TFEC: variants seen among roughly 807,000 people sequenced by gnomAD.
TFEC encodes class E basic helix-loop-helix protein 34.
TFEC carries 31 observed loss-of-function variants against 41.6 expected under a neutral mutation model. The ratio of observed to expected loss-of-function variants is 0.74; its 90% CI spans 0.56 to 1.01. TFEC has a LOEUF of 1.01. Among genes scored for constraint, TFEC ranks in the 50% least tolerant of loss-of-function variants. TFEC has a pLI of 0.00. For missense variants in TFEC, 402 were observed against 404.1 expected (o/e 0.99, Z 0.04); for synonymous variants, 143 against 140.6 (o/e 1.02, Z -0.12).
At chr7:116,110,668 T>A in intron 3 of TFEC, 2 of 1,232,330 alleles carry the variant, frequency 1.6e-6, no homozygotes, top group Non-Finnish European at 2.1e-6. Context: ...TTACTATACT[T>A]ACTTAGAAAT....
At chr7:116,116,078 C>T (rs1797980924) in intron 1 of TFEC, among the ~76,000 whole-genome samples, 1 of 151,890 alleles carries the variant, frequency 6.6e-6, no homozygotes, top group South Asian at 2.1e-4. Context: ...ACATATTTTA[C>T]ATGGTTGGTG....
At chr7:116,082,451 T>C (rs1483857382) in intron 3 of TFEC, among the ~76,000 whole-genome samples, 2 of 152,056 alleles carry the variant, frequency 1.3e-5, no homozygotes, top group African/African-American at 4.8e-5. Flanking sequence ...TTTGCCAATA[T>C]TGTGTATTAA....
At chr7:115,958,966 T>C (rs1792384553) in intron 3 of TFEC, among the ~76,000 whole-genome samples, 1 of 151,830 alleles carries the variant, frequency 6.6e-6, no homozygotes, top group Non-Finnish European at 1.5e-5. Context: ...AATGTACAGA[T>C]TGCATTCACC....
In TFEC at chr7:115,968,069, A is replaced by G. The variant is rs1792953783; in HGVS notation, c.267+6101T>C. On this transcript the variant is annotated intron_variant, in intron 3 of 7. Coordinates refer to ENST00000265440, the MANE Select transcript of TFEC (RefSeq NM_012252.4). ...AGCAGAATATATTTTATGCGTTTCAAAGCTCAATGTTCACATACCTTATTT... is the reference window on the plus strand; with the variant it reads ...AGCAGAATATATTTTATGCGTTTCAGAGCTCAATGTTCACATACCTTATTT... 3 of 1,069,614 alleles carry G rather than the reference A, an allele frequency of 2.8e-6. No homozygotes were observed. The East Asian group carries it at 8.1e-5, about 29-fold the overall frequency. The allele number at this position is 1,069,614 out of a possible 1,614,324, so 66.3% of individuals were successfully genotyped here. A position where few individuals can be genotyped will look rare whatever the true frequency, so the allele number is the denominator to read the frequency against.
At chr7:116,119,541 A>G (rs1260421402) in intron 1 of TFEC, among the ~76,000 whole-genome samples, 2 of 151,864 alleles carry the variant, frequency 1.3e-5, no homozygotes, top group Non-Finnish European at 2.9e-5. Flanking sequence ...TTAAAAAAAC[A>G]CTGAATTATA....
At chr7:115,953,377 A>C (rs907674892) in intron 5 of TFEC, among the ~76,000 whole-genome samples, 1 of 152,004 alleles carries the variant, frequency 6.6e-6, no homozygotes, top group African/African-American at 2.4e-5. Context: ...GTTTTTCTAG[A>C]TTCATTCTAT....
chr7:115,987,527 C>T (rs901488509), intron 1 of TFEC, among the ~76,000 whole-genome samples: 1 of 152,176 alleles, frequency 6.6e-6, no homozygotes, highest in African/African-American at 2.4e-5. Flanking sequence ...GTTTGAGTAT[C>T]AAGCATGTGT....
intron 3 of TFEC, among the ~76,000 whole-genome samples, chr7:115,973,363 C>T (rs1041371891): frequency 6.6e-5 from 10 of 151,898 alleles, no homozygotes; most frequent in Non-Finnish European, 1.5e-4. Flanking sequence ...TAGTCCACAA[C>T]TCAATATAGT....
Position 115,937,258 on chromosome 7 carries a change from T to C in TFEC, c.*3293A>G, listed in dbSNP as rs1793275749. On this transcript the variant is annotated 3_prime_UTR_variant, in exon 8 of 8. Transcript: ENST00000265440. ...TAAATCTTTAAATGAAAAGGGATAA[T>C]TGTATATTAATTGAATGAATAAATC... 2 of 151,746 alleles carry C rather than the reference T, an allele frequency of 1.3e-5. No individual in the cohort carries two copies. Among genetic ancestry groups the C allele is most frequent in the Non-Finnish European group, 3.0e-5 (2 of 67,720 alleles). 9.4% of individuals were successfully genotyped at this position (151,746 alleles called of 1,614,324 possible).
intron 3 of TFEC, among the ~76,000 whole-genome samples, chr7:116,062,211 C>CCAA (rs1463312260): frequency 9.7e-5 from 13 of 133,936 alleles, no homozygotes; most frequent in Non-Finnish European, 1.7e-4. Context: ...CAGGCATGTG[C>CCAA]CAACATGCCT....
intron 3 of TFEC, among the ~76,000 whole-genome samples, chr7:116,090,495 C>A (rs950370903): frequency 6.6e-6 from 1 of 152,038 alleles, no homozygotes; most frequent in Non-Finnish European, 1.5e-5. Flanking sequence ...TTCGAGACGC[C>A]AAGAACCCGG....
At chr7:116,110,972 A>C in intron 2 of TFEC, 2 of 1,110,234 alleles carry the variant, frequency 1.8e-6, no homozygotes, top group Admixed American at 3.5e-5. Context: ...AACACATACA[A>C]AATAATATTT....
At chr7:115,967,441 T>G (rs12706065) in intron 3 of TFEC, among the ~76,000 whole-genome samples, 1 of 151,714 alleles carries the variant, frequency 6.6e-6, no homozygotes, top group Admixed American at 6.6e-5. Context: ...GCACAATGCA[T>G]GCAAAAAATT....
intron 1 of TFEC, among the ~76,000 whole-genome samples, chr7:116,140,093 A>G (rs1798511134): frequency 6.6e-6 from 1 of 152,220 alleles, no homozygotes; most frequent in East Asian, 1.9e-4. Context: ...GGAGTGAAAA[A>G]TTCTACCAGG....
chr7:116,013,912 A>G (rs558217288), intron 1 of TFEC, among the ~76,000 whole-genome samples: 1 of 152,244 alleles, frequency 6.6e-6, no homozygotes, highest in Admixed American at 6.5e-5. Flanking sequence ...TGCAAGATCT[A>G]GGTTCTTCAT....
intron 2 of TFEC, among the ~76,000 whole-genome samples, chr7:116,111,523 A>C (rs2116097278): frequency 6.6e-6 from 1 of 152,176 alleles, no homozygotes; most frequent in Non-Finnish European, 1.5e-5. Context: ...CAACTGTCAC[A>C]CAGAAAAACA....
intron 1 of TFEC, among the ~76,000 whole-genome samples, chr7:116,141,763 G>A (rs1798546043): frequency 6.6e-6 from 1 of 152,108 alleles, no homozygotes. Flanking sequence ...ATGATTTTTA[G>A]GGAGGGCTCA....
intron 1 of TFEC, among the ~76,000 whole-genome samples, chr7:116,122,060 G>T (rs1403165183): frequency 2.0e-5 from 3 of 151,994 alleles, no homozygotes; most frequent in Non-Finnish European, 4.4e-5. Flanking sequence ...AATTATGGAG[G>T]AGTCTTCAGA....
intron 3 of TFEC, among the ~76,000 whole-genome samples, chr7:115,971,502 T>TG (rs546734846): frequency 1.3e-5 from 2 of 151,754 alleles, no homozygotes; most frequent in South Asian, 2.1e-4. Context: ...ATCTACCTTT[T>TG]GGGGGGAAAA....
Sources: gnomAD v4.1 joint callset for allele counts (sites outside exome capture counted in the v4.1 genomes callset) on GRCh38, gnomAD v4.1.1 for gene constraint, MANE v1.5 for transcripts, NCBI Gene and HGNC (gene_info 2026-07-23, HGNC 2026-07-21) for gene names.